The following NRG3 variants were observed in gnomAD, a reference collection of about 807,000 sequenced individuals.
NRG3 encodes the protein neuregulin 3, also known as pro-neuregulin-3, membrane-bound isoform.
In NRG3, 31 loss-of-function variants were observed where a neutral mutation model predicts 66.9. That is an observed-to-expected ratio of 0.46 (90% CI 0.35 to 0.63). The LOEUF (loss-of-function observed/expected upper bound fraction) is 0.63, where lower values mean the gene tolerates loss of function less well. Among genes scored for constraint, NRG3 ranks in the 20% least tolerant of loss-of-function variants. The probability of loss-of-function intolerance (pLI) is 0.00; values close to 1 mark genes in which losing one functional copy is unlikely to be tolerated. For missense variants in NRG3, 910 were observed against 878.9 expected (o/e 1.04, Z -0.45); for synonymous variants, 393 against 359.4 (o/e 1.09, Z -1.06).
chr10:82,205,039 A>G (rs989408680), intron 1 of NRG3, among the ~76,000 whole-genome samples: 1 of 152,130 alleles, frequency 6.6e-6, no homozygotes, highest in African/African-American at 2.4e-5. Context: ...AGCATTTGGT[A>G]TTGTTTGTGT....
intron 2 of NRG3, among the ~76,000 whole-genome samples, chr10:82,683,710 C>T (rs1168435595): frequency 2.0e-5 from 3 of 152,118 alleles, no homozygotes; most frequent in African/African-American, 7.2e-5. Context: ...AGTTTACTAG[C>T]CCATCCTGTT....
At chr10:82,430,140 T>C (rs2089700547) in intron 2 of NRG3, among the ~76,000 whole-genome samples, 1 of 152,224 alleles carries the variant, frequency 6.6e-6, no homozygotes, top group South Asian at 2.1e-4. Context: ...TAATAGGTCA[T>C]TCAATGTCTT....
chr10:82,063,552 A>G (rs2064280770), intron 1 of NRG3, among the ~76,000 whole-genome samples: 1 of 149,718 alleles, frequency 6.7e-6, no homozygotes, highest in Non-Finnish European at 1.5e-5. Context: ...TTCTAAGGAT[A>G]GTCAATCGGT....
chr10:82,428,190 A>G (rs1049101437), intron 2 of NRG3, among the ~76,000 whole-genome samples: 7 of 151,242 alleles, frequency 4.6e-5, no homozygotes, highest in African/African-American at 1.7e-4. Flanking sequence ...GTTCTCTACT[A>G]TTTTTTCCAA....
chr10:82,274,359 C>A (rs2078740282), intron 1 of NRG3, among the ~76,000 whole-genome samples: 3 of 151,898 alleles, frequency 2.0e-5, no homozygotes, highest in Admixed American at 2.0e-4. Context: ...AAACCTGCAA[C>A]CTTCTTCTAA....
At chr10:82,851,995 G>C (rs1443342295) in intron 3 of NRG3, among the ~76,000 whole-genome samples, 2 of 151,988 alleles carry the variant, frequency 1.3e-5, no homozygotes, top group Non-Finnish European at 2.9e-5. Flanking sequence ...TCCAACATTG[G>C]TTTTACTTGA....
chr10:82,220,049 G>GT (rs1417399709), intron 1 of NRG3, among the ~76,000 whole-genome samples: 1 of 151,850 alleles, frequency 6.6e-6, no homozygotes, highest in Admixed American at 6.6e-5. Flanking sequence ...ACCAGAAGAC[G>GT]TGAGTAGAGA....
intron 1 of NRG3, among the ~76,000 whole-genome samples, chr10:82,065,422 G>A (rs148819715): frequency 1.9e-3 from 283 of 152,234 alleles, no homozygotes; most frequent in African/African-American, 6.4e-3. Context: ...GCAAACATTC[G>A]TAGAATGAGA....
chr10:82,088,159 G>C (rs758459102), intron 1 of NRG3, among the ~76,000 whole-genome samples: 6 of 152,040 alleles, frequency 3.9e-5, no homozygotes, highest in Non-Finnish European at 8.8e-5. Context: ...AGTTATATGG[G>C]TCAATTGATT....
At chr10:82,086,905 A>G (rs1250579864) in intron 1 of NRG3, among the ~76,000 whole-genome samples, 1 of 152,154 alleles carries the variant, frequency 6.6e-6, no homozygotes, top group Non-Finnish European at 1.5e-5. Context: ...GACTCTGACA[A>G]TAGTAAGGGA....
Position 82,296,437 on chromosome 10 carries a change from C to T in NRG3, c.824-62302C>T, listed in dbSNP as rs114438791. ...GAGTGGTTGAGAGAAGAGATATTCA[C>T]GGCTAAGATGATGGTGGTGGTGGAG... is the stretch of plus-strand genomic sequence containing the variant. On this transcript the variant is annotated intron_variant, in intron 1 of 8. Transcript: ENST00000372141. Among the ~76,000 whole-genome samples the T allele has an allele frequency of 4.9e-3, 746 of 152,176 alleles. 6 individuals carry two copies. Among genetic ancestry groups the T allele is most frequent in the African/African-American group, 0.017 (694 of 41,504 alleles).
chr10:82,940,893 T>C (rs1848525940), intron 4 of NRG3, among the ~76,000 whole-genome samples: 1 of 152,128 alleles, frequency 6.6e-6, no homozygotes, highest in Admixed American at 6.5e-5. Context: ...GGCACACCAA[T>C]ATTCAGACCA....
chr10:82,493,190 G>A (rs562071555), intron 2 of NRG3, among the ~76,000 whole-genome samples: 2 of 152,010 alleles, frequency 1.3e-5, no homozygotes, highest in South Asian at 4.1e-4. Context: ...AGGTAAATGT[G>A]TGCCATGGTG....
intron 1 of NRG3, among the ~76,000 whole-genome samples, chr10:82,204,565 C>G (rs372071328): frequency 6.6e-6 from 1 of 152,172 alleles, no homozygotes; most frequent in Admixed American, 6.5e-5. Flanking sequence ...AAGTGGCATT[C>G]GCTGTACAAC....
At position 81,904,920 on chromosome 10, in the gene NRG3, A is replaced by G. The variant is rs376131491; in HGVS notation, c.823+28757A>G. Among the ~76,000 whole-genome samples, 5 of 152,302 alleles carry G rather than the reference A, an allele frequency of 3.3e-5. No homozygotes were observed. The East Asian group carries it at 7.7e-4, about 24-fold the overall frequency. On this transcript the variant is annotated intron_variant, in intron 1 of 8. Coordinates refer to ENST00000372141, the MANE Select transcript of NRG3 (RefSeq NM_001010848.4). ...AAAGAGATGCAGTGAGTTGAAACAC[A>G]GTACCCAGCAAGCAGTAAGTGCTGA...
chr10:82,202,323 T>C (rs2162628), intron 1 of NRG3, among the ~76,000 whole-genome samples: 36 of 152,154 alleles, frequency 2.4e-4, no homozygotes, highest in African/African-American at 8.4e-4. Flanking sequence ...GGAATTTTAG[T>C]ACATAGTTAT....
chr10:82,171,369 G>T (rs1477924664), intron 1 of NRG3, among the ~76,000 whole-genome samples: 1 of 102,352 alleles, frequency 9.8e-6, no homozygotes, highest in Non-Finnish European at 2.7e-5. Context: ...CACCTTCCAG[G>T]ATTTAAAGCA....
At chr10:82,281,243 C>T (rs1303890368) in intron 1 of NRG3, among the ~76,000 whole-genome samples, 2 of 152,078 alleles carry the variant, frequency 1.3e-5, no homozygotes, top group Non-Finnish European at 2.9e-5. Context: ...GAGGTATGGT[C>T]TTCTGATGTC....
rs77430737 is a variant in NRG3, at chr10:82,704,311, G to A, written c.954-34266G>A. On this transcript the variant is annotated intron_variant, in intron 2 of 8. Transcript: ENST00000372141. The stretch of plus-strand genomic sequence containing the variant: ...TCCCGATTAAATGTTCAGAAAGGCA[G>A]TGCAAGGCCAACATCTAAGTGTGCA... Among the ~76,000 whole-genome samples, 999 of 152,194 alleles carry A rather than the reference G, an allele frequency of 6.6e-3. 6 individuals carry two copies. Among genetic ancestry groups the A allele is most frequent in the Non-Finnish European group, 0.011 (770 of 67,992 alleles).
Sources: allele counts gnomAD v4.1 joint callset (sites outside exome capture counted in the v4.1 genomes callset), GRCh38; gene constraint gnomAD v4.1.1; transcripts MANE v1.5; gene names NCBI Gene and HGNC (gene_info 2026-07-23, HGNC 2026-07-21).